Variants in RPS6KA2 observed in about 807,000 individuals in gnomAD.
RPS6KA2 encodes the protein ribosomal protein S6 kinase alpha-2.
A neutral mutation model predicts 91.8 loss-of-function variants in RPS6KA2; 42 were observed. The ratio of observed to expected loss-of-function variants is 0.46; its 90% CI spans 0.36 to 0.59. The LOEUF is 0.59. RPS6KA2 is among the 20% of genes least tolerant of loss of function. The probability of loss-of-function intolerance (pLI) is 0.00; values close to 1 mark genes in which losing one functional copy is unlikely to be tolerated. For synonymous variants in RPS6KA2, 414 were observed against 393.6 expected, an observed-to-expected ratio of 1.05 and a Z score of -0.61; for missense variants, 798 against 978.5, an observed-to-expected ratio of 0.82 and a Z score of 2.46.
At chr6:166,590,204 A>G (rs1448454486) in intron 1 of RPS6KA2, among the ~76,000 whole-genome samples, 1 of 152,228 alleles carries the variant, frequency 6.6e-6, no homozygotes, top group Non-Finnish European at 1.5e-5. Flanking sequence ...TGTTTTGCTT[A>G]TACTTTTTGC....
At position 166,827,964 on chromosome 6, in the gene RPS6KA2, T is replaced by C. The variant is rs549566318; in HGVS notation, c.123+30236A>G. Reference sequence around the variant, plus strand: ...CCTCAACTTCCTCTTGGAATGTAGATTGGGTGTAAACATACATCTGTAAAT... The same window carrying C: ...CCTCAACTTCCTCTTGGAATGTAGACTGGGTGTAAACATACATCTGTAAAT... On this transcript the variant is annotated intron_variant, in intron 2 of 21. Transcript: ENST00000503859. Among the ~76,000 whole-genome samples, 65 of 152,352 alleles carry C rather than the reference T, an allele frequency of 4.3e-4. 1 individual carries two copies. Among genetic ancestry groups the C allele is most frequent in the Non-Finnish European group, 7.6e-4 (52 of 68,042 alleles).
At chr6:166,660,311 CAT>C (rs1491488855) in intron 2 of RPS6KA2, among the ~76,000 whole-genome samples, 1 of 150,202 alleles carries the variant, frequency 6.7e-6, no homozygotes, top group South Asian at 2.1e-4. Flanking sequence ...TGTGTGTGTG[CAT>C]GTGTGTGTGT....
chr6:166,705,336 A>T (rs1583035529), intron 2 of RPS6KA2, among the ~76,000 whole-genome samples: 1 of 152,190 alleles, frequency 6.6e-6, no homozygotes, highest in African/African-American at 2.4e-5. Context: ...CTCTGCTGCC[A>T]CCTTCATCTT....
chr6:166,537,133 T>A (rs1783505620), intron 2 of RPS6KA2, among the ~76,000 whole-genome samples: 3 of 152,236 alleles, frequency 2.0e-5, no homozygotes. Flanking sequence ...CGCCATGGGA[T>A]GTATTCCAGC....
chr6:166,520,804 T>A (rs1030344423), intron 3 of RPS6KA2, among the ~76,000 whole-genome samples: 38 of 152,254 alleles, frequency 2.5e-4, no homozygotes, highest in African/African-American at 8.9e-4. Flanking sequence ...TGAATGCTGA[T>A]AGGAAGTCAG....
chr6:166,573,451 A>G (rs1026716155), intron 1 of RPS6KA2, among the ~76,000 whole-genome samples: 1 of 152,264 alleles, frequency 6.6e-6, no homozygotes, highest in Non-Finnish European at 1.5e-5. Flanking sequence ...GTTCTGATGC[A>G]GGAAGACGTA....
chr6:166,672,733 C>T (rs1788505634), intron 2 of RPS6KA2, among the ~76,000 whole-genome samples: 1 of 152,216 alleles, frequency 6.6e-6, no homozygotes, highest in Non-Finnish European at 1.5e-5. Flanking sequence ...CGGATGAGAG[C>T]AGTTGAGGAT....
chr6:166,413,950 A>G lies in RPS6KA2; in HGVS notation c.1939-19T>C. On this transcript the variant is annotated intron_variant, in intron 19 of 20. Transcript: ENST00000265678. Reference sequence around the variant, plus strand: ...CGACGTCCTGCCAGGGAAGGTCATGAGAGTCGGGGGGATGGTTGGATCATT... The same window carrying G: ...CGACGTCCTGCCAGGGAAGGTCATGGGAGTCGGGGGGATGGTTGGATCATT... The G allele has an allele frequency of 1.2e-6, 2 of 1,611,340 alleles. No homozygotes were observed.
intron 2 of RPS6KA2, among the ~76,000 whole-genome samples, chr6:166,680,476 T>C (rs979426006): frequency 6.6e-6 from 1 of 152,076 alleles, no homozygotes; most frequent in Non-Finnish European, 1.5e-5. Flanking sequence ...GTTTGTTTTT[T>C]TGCTCTTTGT....
At chr6:166,853,416 G>A (rs942602603) in intron 2 of RPS6KA2, among the ~76,000 whole-genome samples, 4 of 152,180 alleles carry the variant, frequency 2.6e-5, no homozygotes, top group Admixed American at 2.0e-4. Flanking sequence ...ACAGAGACCC[G>A]GGAGCCTGGG....
At chr6:166,757,891 C>T (rs561223290) in intron 2 of RPS6KA2, 3 of 255,650 alleles carry the variant, frequency 1.2e-5, no homozygotes, top group Non-Finnish European at 2.3e-5. Context: ...CTGGCCTTCT[C>T]CTCTGATGAG....
intron 2 of RPS6KA2, among the ~76,000 whole-genome samples, chr6:166,671,549 C>G (rs1456906359): frequency 2.0e-5 from 3 of 152,160 alleles, no homozygotes; most frequent in Admixed American, 2.0e-4. Context: ...TCAGTTTCAA[C>G]CACACCAGCC....
In RPS6KA2 at chr6:166,812,993, A is replaced by T. The variant is rs1779677003; in HGVS notation, c.123+45207T>A. 2.6e-5 allele frequency among the ~76,000 whole-genome samples: 4 copies of T among 152,146 alleles called. No individual in the cohort carries two copies. In the South Asian group the frequency reaches 8.3e-4, roughly 32 times the overall value. ...AGGCCTCATGGGGTTTTTTCTCCAG[A>T]TAACTCAATTAACCCAAACTAAATC... On this transcript the variant is annotated intron_variant, in intron 2 of 21. Transcript: ENST00000503859.
At chr6:166,465,564 G>A (rs1780486565) in intron 11 of RPS6KA2, among the ~76,000 whole-genome samples, 2 of 152,216 alleles carry the variant, frequency 1.3e-5, no homozygotes, top group African/African-American at 4.8e-5. Context: ...GAGCGGGACT[G>A]TGCCTGCAGT....
chr6:166,627,893 C>CG (rs1480874667), upstream of RPS6KA2: 1 of 152,254 alleles, frequency 6.6e-6, no homozygotes, highest in East Asian at 1.9e-4. Context: ...AGCGAGGGAC[C>CG]GCCGCCTGCC....
intron 10 of RPS6KA2, among the ~76,000 whole-genome samples, chr6:166,472,778 C>G (rs902336300): frequency 6.6e-6 from 1 of 152,126 alleles, no homozygotes; most frequent in African/African-American, 2.4e-5. Flanking sequence ...ACGGCTGGCT[C>G]GCTACGGGAT....
rs546654407 is a variant in RPS6KA2, at chr6:166,691,599, C to T, written c.124-152815G>A. On this transcript the variant is annotated intron_variant, in intron 2 of 21. Coordinates refer to the RPS6KA2 transcript ENST00000503859. ...TCCTCCCTCAGAGTCCAGGGAGCTCCGACCCTCTCCGTGATGTGTTCTTAA... is the reference window on the plus strand; with the variant it reads ...TCCTCCCTCAGAGTCCAGGGAGCTCTGACCCTCTCCGTGATGTGTTCTTAA... Among the ~76,000 whole-genome samples the T allele has an allele frequency of 5.1e-4, 77 of 152,138 alleles. 1 individual carries two copies. Among genetic ancestry groups the T allele is most frequent in the African/African-American group, 1.7e-3 (71 of 41,508 alleles).
chr6:166,837,066 A>G (rs1780336765), intron 2 of RPS6KA2, among the ~76,000 whole-genome samples: 1 of 152,160 alleles, frequency 6.6e-6, no homozygotes. Context: ...TCACCTGGCC[A>G]CAGCCGGCTC....
chr6:166,531,430 A>G (rs1479794569), intron 2 of RPS6KA2, 117 bp from the exon 3 acceptor site: 8 of 774,992 alleles, frequency 1.0e-5, no homozygotes, highest in Non-Finnish European at 2.2e-6. Context: ...AAACAAGTAC[A>G]CTGGTGAGAA....
Sources: gnomAD v4.1 joint callset for allele counts (sites outside exome capture counted in the v4.1 genomes callset) on GRCh38, gnomAD v4.1.1 for gene constraint, MANE v1.5 for transcripts, NCBI Gene and HGNC (gene_info 2026-07-23, HGNC 2026-07-21) for gene names.